GPR107: variants seen among roughly 807,000 people sequenced by gnomAD.
GPR107 encodes G protein-coupled receptor 107.
Under a neutral mutation model 75.5 loss-of-function variants are expected in GPR107, and 31 were observed. The observed-to-expected ratio is 0.41, with a 90% CI of 0.31 to 0.55. The LOEUF (loss-of-function observed/expected upper bound fraction) is 0.55, where lower values mean the gene tolerates loss of function less well. Ranked by LOEUF, GPR107 falls within the 20% of genes least tolerant of loss-of-function variation. The pLI is 0.26. For synonymous variants in GPR107, 267 were observed against 251.3 expected, an observed-to-expected ratio of 1.06 and a Z score of -0.59; for missense variants, 572 against 665.7, an observed-to-expected ratio of 0.86 and a Z score of 1.55.
At chr9:130,096,174 A>G (rs1369597357) in intron 9 of GPR107, among the ~76,000 whole-genome samples, 1 of 152,202 alleles carries the variant, frequency 6.6e-6, no homozygotes, top group Non-Finnish European at 1.5e-5. Flanking sequence ...GAATGAGCAC[A>G]GCTCTTTGTG....
chr9:130,100,142 G>A lies in GPR107; in HGVS notation c.940-487G>A, dbSNP rs190226967. Among the ~76,000 whole-genome samples, 436 of 151,956 alleles carry A rather than the reference G, an allele frequency of 2.9e-3. 6 individuals carry two copies. Among genetic ancestry groups the A allele is most frequent in the African/African-American group, 0.01 (416 of 41,442 alleles). ...GATCTCCTGACCTCGTGATCCGCCC[G>A]CCTCAGCCTCCCAAAGTGCTGGGAT... On this transcript the variant is annotated intron_variant, in intron 10 of 17. Transcript: ENST00000347136.
At chr9:130,070,995 A>T (rs1010934377) in intron 1 of GPR107, among the ~76,000 whole-genome samples, 5 of 146,928 alleles carry the variant, frequency 3.4e-5, no homozygotes, top group African/African-American at 1.3e-4. Context: ...TTGGGATTAT[A>T]GATGAGAGTC....
rs934913557 is a variant in GPR107 at position 130,137,705 on chromosome 9, A to G, written c.*2584A>G. 9.8e-5 allele frequency: 15 copies of G among 152,366 alleles called. No individual in the cohort carries two copies. The East Asian group carries it at 2.9e-3, about 29-fold the overall frequency. 9.4% of individuals were successfully genotyped at this position (152,366 alleles called of 1,614,324 possible). A position where few individuals can be genotyped will look rare whatever the true frequency, so the allele number is the denominator to read the frequency against. On this transcript the variant is annotated 3_prime_UTR_variant, in exon 18 of 18. Coordinates refer to ENST00000347136, the MANE Select transcript of GPR107 (RefSeq NM_020960.5). ...CGTTCATCTCTGCTCTTGCGTAAAG[A>G]TGACCGATGGAGTCCAAAGCCAAGT...
At chr9:130,076,244 T>C (rs1830346374) in intron 2 of GPR107, among the ~76,000 whole-genome samples, 168 bp from the exon 3 acceptor site, 1 of 152,260 alleles carries the variant, frequency 6.6e-6, no homozygotes, top group South Asian at 2.1e-4. Flanking sequence ...GTAATAATTC[T>C]AGTAATTAGT....
chr9:130,125,014 G>A, intron 15 of GPR107, 50 bp downstream of exon 15: 1 of 923,094 alleles, frequency 1.1e-6, no homozygotes, highest in South Asian at 1.6e-5. Flanking sequence ...ATCAATTCAA[G>A]GAGTAGAGCA....
rs146497405 is a variant in GPR107, at chr9:130,123,497, C to T, written c.1307-1418C>T. ...GATTACAGGCGTGAGCCACTGCACC[C>T]GGCCTATTTCTTTTTTTTCTTTCTT... On this transcript the variant is annotated intron_variant, in intron 14 of 17. Transcript: ENST00000347136. 5.2e-3 allele frequency among the ~76,000 whole-genome samples: 789 copies of T among 150,658 alleles called. 7 individuals are homozygous for T. Among genetic ancestry groups the T allele is most frequent in the African/African-American group, 0.018 (754 of 41,032 alleles).
At chr9:130,064,238 C>T (rs1299519681) in intron 1 of GPR107, among the ~76,000 whole-genome samples, 5 of 125,090 alleles carry the variant, frequency 4.0e-5, no homozygotes, top group South Asian at 2.5e-4. Flanking sequence ...TCGCCCAGGC[C>T]GGACTGCGGA....
intron 1 of GPR107, among the ~76,000 whole-genome samples, chr9:130,075,311 C>T (rs1024168461): frequency 7.1e-6 from 1 of 140,510 alleles, no homozygotes; most frequent in Non-Finnish European, 1.5e-5. Context: ...GTGGCATGAT[C>T]TCGGCTCACT....
intron 9 of GPR107, among the ~76,000 whole-genome samples, chr9:130,097,531 A>G (rs1355536373): frequency 6.6e-6 from 1 of 152,156 alleles, no homozygotes; most frequent in Non-Finnish European, 1.5e-5. Flanking sequence ...TGGTGCATAC[A>G]TAATAAGGTT....
Position 130,140,054 on chromosome 9 carries a change from A to T in GPR107, c.*4933A>T, listed in dbSNP as rs1049697223. The T allele has an allele frequency of 1.4e-4, 21 of 152,188 alleles. No homozygotes were observed. Among genetic ancestry groups the T allele is most frequent in the Non-Finnish European group, 5.9e-5 (4 of 68,038 alleles). 9.4% of individuals were successfully genotyped at this position (152,188 alleles called of 1,614,324 possible). On this transcript the variant is annotated 3_prime_UTR_variant, in exon 18 of 18. Coordinates refer to ENST00000347136, the MANE Select transcript of GPR107 (RefSeq NM_020960.5). This position sits in a 1 kb window ranked among gnomAD's most constrained non-coding sequence, Gnocchi z 4.0. ...AAAACACTAATGATCATTGAAGAGT[A>T]TTTATGTAAACATACAACGTATAAT... is the stretch of plus-strand genomic sequence containing the variant.
intron 17 of GPR107, 94 bp downstream of exon 17, chr9:130,128,855 C>A: frequency 8.4e-7 from 1 of 1,184,604 alleles, no homozygotes; most frequent in South Asian, 1.3e-5. Context: ...CTCAGCATTT[C>A]GTGGCTGCAG....
intron 9 of GPR107, among the ~76,000 whole-genome samples, chr9:130,097,162 T>TTC (rs1554894608): frequency 6.8e-6 from 1 of 146,788 alleles, no homozygotes; most frequent in African/African-American, 2.5e-5. Flanking sequence ...TTTCTTTTTT[T>TTC]TTTTTTTTTT....
At chr9:130,111,946 T>G (rs1010982416) in intron 14 of GPR107, among the ~76,000 whole-genome samples, 1 of 152,116 alleles carries the variant, frequency 6.6e-6, no homozygotes, top group Non-Finnish European at 1.5e-5. Context: ...GGAGCTTAAT[T>G]GAGTCTCGCA....
rs2132613282 is a variant in GPR107, at chr9:130,103,195, G to A, written c.1132-1225G>A. 6.6e-6 allele frequency among the ~76,000 whole-genome samples: 1 copy of A among 152,272 alleles called. No individual in the cohort carries two copies. Among genetic ancestry groups the A allele is most frequent in the East Asian group, 1.9e-4 (1 of 5,182 alleles). Reference sequence around the variant, plus strand: ...AGGACCCAGAAGCTGGGGGTCATTGGAGAGGCTGAAATTTCAGATAATTTT... The same window carrying A: ...AGGACCCAGAAGCTGGGGGTCATTGAAGAGGCTGAAATTTCAGATAATTTT... On this transcript the variant is annotated intron_variant, in intron 12 of 17. Coordinates refer to ENST00000347136, the MANE Select transcript of GPR107 (RefSeq NM_020960.5). The surrounding 1 kb of genome is among the most constrained non-coding windows in gnomAD (Gnocchi z 4.3).
At chr9:130,055,309 TA>T (rs35566442) in intron 1 of GPR107, among the ~76,000 whole-genome samples, 136,710 of 150,786 alleles carry the variant, frequency 0.91, 62,344 homozygotes, top group East Asian at 0.97. Context: ...CTACTAAAAA[TA>T]AAAAAAAAAT....
chr9:130,108,289 A>G lies in GPR107; in HGVS notation c.1306+750A>G, dbSNP rs181183630. The stretch of plus-strand genomic sequence containing the variant: ...ATATTAACATTCTTTAATGCAGGTT[A>G]TGAATAATAAATAAAACAGGTTTTT... On this transcript the variant is annotated intron_variant, in intron 14 of 17. Transcript: ENST00000347136. 1.1e-4 allele frequency among the ~76,000 whole-genome samples: 17 copies of G among 152,368 alleles called. 1 individual carries two copies. Among genetic ancestry groups the G allele is most frequent in the Admixed American group, 7.2e-4 (11 of 15,302 alleles).
At chr9:130,077,007 C>T (rs892564656) in intron 3 of GPR107, among the ~76,000 whole-genome samples, 1 of 151,416 alleles carries the variant, frequency 6.6e-6, no homozygotes, top group Admixed American at 6.6e-5. Flanking sequence ...TCTGCCTCAT[C>T]CTCCTGAGTA....
At chr9:130,071,221 G>A (rs577947434) in intron 1 of GPR107, among the ~76,000 whole-genome samples, 86 of 150,182 alleles carry the variant, frequency 5.7e-4, no homozygotes, top group African/African-American at 1.9e-3. Context: ...TAGAGATGGG[G>A]TTTCTCTGTT....
chr9:130,131,559 C>A (rs1554899095), intron 17 of GPR107, among the ~76,000 whole-genome samples: 2 of 152,096 alleles, frequency 1.3e-5, no homozygotes, highest in African/African-American at 4.8e-5. Context: ...CCCCTGCTAC[C>A]CCCTCACTGC....
Sources: gnomAD v4.1 joint callset for allele counts (sites outside exome capture counted in the v4.1 genomes callset) on GRCh38, gnomAD v4.1.1 for gene constraint, Gnocchi (gnomAD v3.1) non-coding constraint, MANE v1.5 for transcripts, NCBI Gene and HGNC (gene_info 2026-07-23, HGNC 2026-07-21) for gene names.